SYTL2: variants seen among roughly 807,000 people sequenced by gnomAD.
SYTL2 encodes the protein synaptotagmin-like protein 2.
SYTL2 carries 165 observed loss-of-function variants against 198.7 expected under a neutral mutation model. The observed-to-expected ratio is 0.83, with a 90% CI of 0.73 to 0.94. SYTL2 has a LOEUF of 0.94. SYTL2 is among the 40% of genes least tolerant of loss of function. The probability of loss-of-function intolerance (pLI) is 0.00; values close to 1 mark genes in which losing one functional copy is unlikely to be tolerated. For missense variants in SYTL2, 2,835 were observed against 2,582.8 expected (o/e 1.10, Z -2.12); for synonymous variants, 966 against 917.7 (o/e 1.05, Z -0.95).
Position 85,810,570 on chromosome 11 carries a change from G to A in SYTL2, c.-390+384C>T, listed in dbSNP as rs557361421. ...ACCCCACCTGTAAACAGGTGCTGAC[G>A]CTCCTACCTTTCTGCACCTGAGCAA... is the stretch of plus-strand genomic sequence containing the variant. On this transcript the variant is annotated intron_variant, in intron 1 of 19. Transcript: ENST00000359152. 1.8e-4 allele frequency among the ~76,000 whole-genome samples: 27 copies of A among 152,176 alleles called. 1 individual carries two copies. In the South Asian group the frequency reaches 5.4e-3, roughly 30 times the overall value.
At chr11:85,737,697 T>C in intron 4 of SYTL2, 41 bp from the exon 5 acceptor site, 1 of 1,540,902 alleles carries the variant, frequency 6.5e-7, no homozygotes, top group Non-Finnish European at 9.0e-7. Context: ...AACCTCACCT[T>C]TTGAGGAATC....
intron 1 of SYTL2, among the ~76,000 whole-genome samples, chr11:85,777,654 CA>C (rs1379355240): frequency 2.0e-5 from 3 of 148,016 alleles, no homozygotes; most frequent in Middle Eastern, 3.4e-3. Context: ...CACCCCCTGC[CA>C]AAAAAAAGAA....
chr11:85,785,147 A>G (rs910523540), intron 1 of SYTL2, among the ~76,000 whole-genome samples: 1 of 152,198 alleles, frequency 6.6e-6, no homozygotes. Context: ...GCTGAGTGAA[A>G]AGGACTTGAG....
the SYTL2 span, among the ~76,000 whole-genome samples, chr11:85,823,737 C>G: frequency 1.3e-5 from 2 of 152,176 alleles, no homozygotes; most frequent in Non-Finnish European, 2.9e-5. Context: ...ACCTTTTATA[C>G]TTGAGTGGAA....
chr11:85,695,028 G>T lies in SYTL2; in HGVS notation c.*167C>A. 1 of 538,072 alleles carries T rather than the reference G, an allele frequency of 1.9e-6. No individual in the cohort carries two copies. Among genetic ancestry groups the T allele is most frequent in the Non-Finnish European group, 3.2e-6 (1 of 315,842 alleles). 33.3% of individuals were successfully genotyped at this position (538,072 alleles called of 1,614,324 possible). The stretch of plus-strand genomic sequence containing the variant: ...ACATTTTGTTATATTTAAATCCCTT[G>T]GGCCTTGTAATCAAAGAAGCACATG... On this transcript the variant is annotated 3_prime_UTR_variant, in exon 20 of 20. Coordinates refer to ENST00000359152, the MANE Select transcript of SYTL2 (RefSeq NM_206927.4).
chr11:85,801,822 C>CTT (rs1289583115), intron 1 of SYTL2, among the ~76,000 whole-genome samples: 8 of 137,462 alleles, frequency 5.8e-5, no homozygotes, highest in East Asian at 4.2e-4. Context: ...CTTCCCCGTT[C>CTT]TTTTTTTTTT....
In SYTL2 at chr11:85,766,867, C is replaced by T. The variant is rs146646166; in HGVS notation, c.-389-8753G>A. Among the ~76,000 whole-genome samples the T allele has an allele frequency of 2.6e-5, 4 of 152,288 alleles. No homozygotes were observed. In the East Asian group the frequency reaches 7.7e-4, roughly 29 times the overall value. ...CCTTGAAGAGAAGTACGATCTCTGT[C>T]AACAGCACACTCTACAGTGACATCT... On this transcript the variant is annotated intron_variant, in intron 1 of 19. Coordinates refer to ENST00000359152, the MANE Select transcript of SYTL2 (RefSeq NM_206927.4).
intron 8 of SYTL2, 136 bp downstream of exon 8, chr11:85,723,896 C>G (rs143715338): frequency 0.023 from 10,185 of 443,326 alleles, 173 homozygotes; most frequent in Admixed American, 0.042. Context: ...AAGAAAGTCT[C>G]AGGAACACAG....
At chr11:85,790,424 C>T (rs1468349842) in intron 1 of SYTL2, among the ~76,000 whole-genome samples, 1 of 152,196 alleles carries the variant, frequency 6.6e-6, no homozygotes, top group Admixed American at 6.5e-5. Context: ...TTCTAGACTT[C>T]ACTTGCTTTA....
chr11:85,823,505 A>G, the SYTL2 span, among the ~76,000 whole-genome samples: 4 of 152,254 alleles, frequency 2.6e-5, no homozygotes, highest in East Asian at 5.8e-4. Context: ...TAGTTTACCC[A>G]TTATGCTTTA....
intron 12 of SYTL2, among the ~76,000 whole-genome samples, chr11:85,711,896 A>C (rs552157861): frequency 6.6e-6 from 1 of 152,328 alleles, no homozygotes; most frequent in African/African-American, 2.4e-5. Flanking sequence ...ACATTTTTTA[A>C]AAAGAAGTAA....
chr11:85,706,854 T>C (rs1323604378), intron 15 of SYTL2, among the ~76,000 whole-genome samples: 1 of 99,560 alleles, frequency 1.0e-5, no homozygotes, highest in Non-Finnish European at 2.0e-5. Flanking sequence ...TGTTGTTTTG[T>C]TTTTTGAGAC....
At chr11:85,756,487 G>A (rs191234287) in intron 2 of SYTL2, among the ~76,000 whole-genome samples, 1 of 152,198 alleles carries the variant, frequency 6.6e-6, no homozygotes, top group Admixed American at 6.5e-5. Flanking sequence ...CCTAAGACTG[G>A]GATTTGATTC....
At chr11:85,796,551 C>G (rs2092806615) in intron 1 of SYTL2, among the ~76,000 whole-genome samples, 1 of 152,178 alleles carries the variant, frequency 6.6e-6, no homozygotes, top group Admixed American at 6.5e-5. Context: ...TCCAATAGCT[C>G]TTTGTCACCC....
chr11:85,777,938 G>T, intron 1 of SYTL2, among the ~76,000 whole-genome samples: 1 of 145,762 alleles, frequency 6.9e-6, no homozygotes, highest in Admixed American at 7.2e-5. Context: ...TCCTGCCTCA[G>T]CCTCCCGAGT....
intron 1 of SYTL2, among the ~76,000 whole-genome samples, chr11:85,802,827 A>T (rs1281624867): frequency 6.6e-6 from 1 of 152,254 alleles, no homozygotes; most frequent in Middle Eastern, 3.2e-3. Context: ...GTCCTATCCC[A>T]AAGAAACTCA....
chr11:85,712,785 C>A (rs1349578749), intron 12 of SYTL2, among the ~76,000 whole-genome samples: 1 of 151,952 alleles, frequency 6.6e-6, no homozygotes, highest in Non-Finnish European at 1.5e-5. Flanking sequence ...GGCACAATCT[C>A]GGCTCACTAC....
In SYTL2 at chr11:85,788,668, T is replaced by C. The variant is rs569391745; in HGVS notation, c.-390+22286A>G. ...CATAGTAAAATAGCTAACATTCCTT[T>C]TCCCTTCCTCTTTGTCAATAGCTGC... On this transcript the variant is annotated intron_variant, in intron 1 of 19. Transcript: ENST00000359152. 2.6e-5 allele frequency among the ~76,000 whole-genome samples: 4 copies of C among 152,214 alleles called. No homozygotes were observed. The East Asian group carries it at 7.7e-4, about 29-fold the overall frequency.
chr11:85,804,287 AT>A (rs1166394365), intron 1 of SYTL2, among the ~76,000 whole-genome samples: 1 of 152,216 alleles, frequency 6.6e-6, no homozygotes, highest in Non-Finnish European at 1.5e-5. Flanking sequence ...ATGTACCCTC[AT>A]TCTGCATCTA....
Sources: gnomAD v4.1 joint callset for allele counts (sites outside exome capture counted in the v4.1 genomes callset) on GRCh38, gnomAD v4.1.1 for gene constraint, MANE v1.5 for transcripts, NCBI Gene and HGNC (gene_info 2026-07-23, HGNC 2026-07-21) for gene names.